SOX5: variants seen among roughly 807,000 people sequenced by gnomAD.
SOX5 encodes the protein SRY-box transcription factor 5, also known as transcription factor SOX-5.
In SOX5, 9 loss-of-function variants were observed where a neutral mutation model predicts 92.0. The observed-to-expected ratio is 0.10, with a 90% CI of 0.06 to 0.17. The LOEUF is 0.17. Ranked by LOEUF, SOX5 falls within the 10% of genes least tolerant of loss-of-function variation. SOX5 has a pLI of 1.00. For missense variants in SOX5, 642 were observed against 944.5 expected (o/e 0.68, Z 4.20); for synonymous variants, 344 against 336.3 (o/e 1.02, Z -0.25).
rs548606915 is a variant in SOX5, at chr12:23,723,176, CTTGT to C, written c.810+11504_810+11507del. On this transcript the variant is annotated intron_variant, in intron 6 of 14. Transcript: ENST00000451604. ...ACAATCTGGGAAACCTTTCTTTGGG[CTTGT>C]TTATGTTTTCTTGCTCTCTCTCTCT... is the stretch of plus-strand genomic sequence containing the variant. Among the ~76,000 whole-genome samples, 551 of 152,078 alleles carry C rather than the reference CTTGT, an allele frequency of 3.6e-3. 7 individuals carry two copies. Among genetic ancestry groups the C allele is most frequent in the African/African-American group, 0.013 (535 of 41,514 alleles).
At chr12:24,292,773 C>A (rs936919660) in intron 2 of SOX5, among the ~76,000 whole-genome samples, 1 of 152,174 alleles carries the variant, frequency 6.6e-6, no homozygotes, top group Non-Finnish European at 1.5e-5. Flanking sequence ...AACTTGTAAT[C>A]AAGTTTCTTA....
chr12:24,341,711 A>G (rs1294800245), intron 2 of SOX5, among the ~76,000 whole-genome samples: 1 of 152,178 alleles, frequency 6.6e-6, no homozygotes, highest in African/African-American at 2.4e-5. Context: ...AACTGGCAGG[A>G]TACAGTAAAT....
At chr12:24,207,085 T>C (rs71450426) in intron 4 of SOX5, among the ~76,000 whole-genome samples, 1 of 152,218 alleles carries the variant, frequency 6.6e-6, no homozygotes, top group East Asian at 1.9e-4. Context: ...GTTTGGCAGA[T>C]CTCTGTAACA....
intron 4 of SOX5, among the ~76,000 whole-genome samples, chr12:24,088,938 A>G (rs1235708577): frequency 1.3e-5 from 2 of 152,058 alleles, no homozygotes; most frequent in East Asian, 3.9e-4. Context: ...AATCATTGCC[A>G]ATTTCTTTAA....
At chr12:24,273,056 A>T (rs1165332689) in intron 3 of SOX5, among the ~76,000 whole-genome samples, 2 of 152,192 alleles carry the variant, frequency 1.3e-5, no homozygotes, top group Non-Finnish European at 2.9e-5. Flanking sequence ...AACATAGTAA[A>T]ACCCCGTCTC....
intron 1 of SOX5, among the ~76,000 whole-genome samples, chr12:24,459,259 C>T (rs1943362157): frequency 6.6e-6 from 1 of 152,124 alleles, no homozygotes; most frequent in Non-Finnish European, 1.5e-5. Context: ...CACGCTCCAT[C>T]AAGTGATGGA....
intron 2 of SOX5, among the ~76,000 whole-genome samples, chr12:24,281,237 G>GAAAAA (rs71448005): frequency 2.1e-5 from 2 of 97,244 alleles, no homozygotes; most frequent in Non-Finnish European, 4.5e-5. Context: ...TTACCAAAAG[G>GAAAAA]AAAAAAAAAA....
chr12:23,659,142 T>G (rs944590910), intron 7 of SOX5, among the ~76,000 whole-genome samples: 1 of 152,086 alleles, frequency 6.6e-6, no homozygotes, highest in African/African-American at 2.4e-5. Flanking sequence ...AATCAGAAAT[T>G]AGTATGCAGT....
At chr12:24,150,195 T>C (rs917321892) in intron 4 of SOX5, among the ~76,000 whole-genome samples, 1 of 152,202 alleles carries the variant, frequency 6.6e-6, no homozygotes, top group African/African-American at 2.4e-5. Flanking sequence ...TATGATTTGT[T>C]TTTCTCCTTT....
chr12:23,560,561 C>A (rs1313273134), intron 11 of SOX5, among the ~76,000 whole-genome samples: 1 of 152,178 alleles, frequency 6.6e-6, no homozygotes, highest in Non-Finnish European at 1.5e-5. Flanking sequence ...TGGGCTCACA[C>A]ACATAAATAT....
intron 8 of SOX5, among the ~76,000 whole-genome samples, chr12:23,614,022 C>A (rs1019156126): frequency 6.6e-6 from 1 of 152,126 alleles, no homozygotes; most frequent in Non-Finnish European, 1.5e-5. Flanking sequence ...CTGTGTCCCT[C>A]CTCTTCCCAC....
chr12:24,271,085 A>G (rs117327789), intron 3 of SOX5, among the ~76,000 whole-genome samples: 4,016 of 152,336 alleles, frequency 0.026, 86 homozygotes, highest in South Asian at 0.074. Flanking sequence ...TTTCAACTTT[A>G]CTAGGTACTG....
intron 3 of SOX5, among the ~76,000 whole-genome samples, chr12:24,224,928 C>T (rs1175744379): frequency 6.6e-6 from 1 of 152,170 alleles, no homozygotes; most frequent in African/African-American, 2.4e-5. Flanking sequence ...ACACAGGGTG[C>T]TCACTCTCTC....
intron 6 of SOX5, among the ~76,000 whole-genome samples, 166 bp from the exon 7 acceptor site, chr12:23,665,730 A>T (rs926499041): frequency 6.6e-6 from 1 of 152,222 alleles, no homozygotes; most frequent in Non-Finnish European, 1.5e-5. Flanking sequence ...GGACTACCTT[A>T]AACAGCAGAA....
chr12:23,536,343 C>T (rs149088919), intron 14 of SOX5, 110 bp downstream of exon 14: 2 of 836,880 alleles, frequency 2.4e-6, no homozygotes, highest in East Asian at 2.6e-5. Flanking sequence ...ATACTGTGAG[C>T]TCAGATTCTT....
At chr12:23,807,111 A>T (rs1026854735) in intron 3 of SOX5, among the ~76,000 whole-genome samples, 6 of 149,066 alleles carry the variant, frequency 4.0e-5, no homozygotes, top group Non-Finnish European at 5.9e-5. Flanking sequence ...CTTCTTTTAC[A>T]CACCAATATT....
intron 1 of SOX5, among the ~76,000 whole-genome samples, chr12:24,519,602 C>T (rs929457870): frequency 1.3e-5 from 2 of 152,138 alleles, no homozygotes; most frequent in Non-Finnish European, 2.9e-5. Context: ...GAGTATTTAA[C>T]AATCATCAAT....
chr12:24,485,581 A>G (rs1290069905), intron 1 of SOX5, among the ~76,000 whole-genome samples: 2 of 152,160 alleles, frequency 1.3e-5, no homozygotes, highest in Non-Finnish European at 2.9e-5. Flanking sequence ...TACAATAACA[A>G]GTACCCTTCC....
At chr12:24,291,695 G>A (rs559028005) in intron 2 of SOX5, among the ~76,000 whole-genome samples, 47 of 152,246 alleles carry the variant, frequency 3.1e-4, no homozygotes, top group African/African-American at 1.1e-3. Context: ...AATACAGTAT[G>A]GCTCAGTATG....
Sources: gnomAD v4.1 joint callset for allele counts (sites outside exome capture counted in the v4.1 genomes callset) on GRCh38, gnomAD v4.1.1 for gene constraint, MANE v1.5 for transcripts, NCBI Gene and HGNC (gene_info 2026-07-23, HGNC 2026-07-21) for gene names.